The following CHD6 variants were observed in gnomAD, a reference collection of about 807,000 sequenced individuals.
CHD6 encodes ATP-dependent chromatin remodeler CHD6.
In CHD6, 50 loss-of-function variants were observed where a neutral mutation model predicts 276.9. The ratio of observed to expected loss-of-function variants is 0.18; its 90% CI spans 0.14 to 0.23. The LOEUF is 0.23. Among genes scored for constraint, CHD6 ranks in the 10% least tolerant of loss-of-function variants. The pLI is 1.00. For missense variants in CHD6, 2,564 were observed against 3,365.8 expected (o/e 0.76, Z 5.89); for synonymous variants, 1,173 against 1,229.3 (o/e 0.95, Z 0.96).
Position 41,405,363 on chromosome 20 carries a change from A to G in CHD6, c.7378T>C (p.Ser2460Pro), listed in dbSNP as rs753010269. 7 of 1,614,112 alleles carry G rather than the reference A, an allele frequency of 4.3e-6. No homozygotes were observed. The African/African-American group carries it at 6.7e-5, about 15-fold the overall frequency. ...LLKAPSIVAD[S>P]PSGMGPLFMN... is the part of the protein sequence containing the mutation. ...AACAGTGGCCCCATTCCAGAGGGAGAGTCTGCCACAATGGAAGGAGCCTTC... is the reference window on the plus strand; with the variant it reads ...AACAGTGGCCCCATTCCAGAGGGAGGGTCTGCCACAATGGAAGGAGCCTTC... The change falls in exon 37 of 37, where the codon TCT becomes CCT. Residue 2460 changes from serine (S) to proline (P), a missense_variant. Physicochemically the swap from Ser to Pro is moderately conservative, Grantham distance 74 (BLOSUM62 -1). Coordinates refer to ENST00000373233, the MANE Select transcript of CHD6 (RefSeq NM_032221.5).
chr20:41,406,118 T>C (rs1206928045), intron 36 of CHD6, among the ~76,000 whole-genome samples: 1 of 152,196 alleles, frequency 6.6e-6, no homozygotes, highest in African/African-American at 2.4e-5. Context: ...TAATGGCACA[T>C]TACTTATTTA....
chr20:41,458,252 A>G (rs554637428), intron 17 of CHD6, among the ~76,000 whole-genome samples: 14 of 152,348 alleles, frequency 9.2e-5, no homozygotes, highest in Admixed American at 7.8e-4. Flanking sequence ...TATAGGAGGG[A>G]CAAGCTAAAT....
chr20:41,404,828 G>A lies in CHD6; in HGVS notation c.7913C>T (p.Ala2638Val). ...TTCCGAGTGTCTGGCCTGCTGCATG[G>A]CTGGCAGAGCCATGCCCATACCAGG... ...LSPGMGMALP[A>V]MQQARHSEIV... is the part of the protein sequence containing the mutation. The change falls in exon 37 of 37, where the codon GCC becomes GTC. Residue 2638 changes from alanine to valine, a missense_variant. Coordinates refer to ENST00000373233, the MANE Select transcript of CHD6 (RefSeq NM_032221.5). 1 of 1,614,020 alleles carries A rather than the reference G, an allele frequency of 6.2e-7. No individual in the cohort carries two copies. Among genetic ancestry groups the A allele is most frequent in the Non-Finnish European group, 8.5e-7 (1 of 1,179,988 alleles).
chr20:41,432,472 C>T (rs1035294822), intron 27 of CHD6, among the ~76,000 whole-genome samples: 2 of 152,118 alleles, frequency 1.3e-5, no homozygotes, highest in East Asian at 3.9e-4. Flanking sequence ...CCCACCCCTA[C>T]CCATGGTGGA....
intron 5 of CHD6, among the ~76,000 whole-genome samples, chr20:41,509,525 AG>A (rs2044063571): frequency 6.6e-6 from 1 of 152,152 alleles, no homozygotes. Flanking sequence ...GAAACAACTG[AG>A]CTCAGCCTGC....
intron 1 of CHD6, among the ~76,000 whole-genome samples, chr20:41,557,361 A>T (rs1054091996): frequency 1.3e-5 from 2 of 152,146 alleles, no homozygotes; most frequent in African/African-American, 4.8e-5. Context: ...TGCTCCTATT[A>T]AGAAAAATGG....
At chr20:41,529,051 G>A (rs981748645) in intron 3 of CHD6, among the ~76,000 whole-genome samples, 3 of 152,142 alleles carry the variant, frequency 2.0e-5, no homozygotes, top group Non-Finnish European at 2.9e-5. Flanking sequence ...AAAGACACAC[G>A]GCTATGGAGA....
At chr20:41,567,962 T>C (rs1297350537) in intron 1 of CHD6, among the ~76,000 whole-genome samples, 1 of 152,126 alleles carries the variant, frequency 6.6e-6, no homozygotes, top group African/African-American at 2.4e-5. Flanking sequence ...CTGAAAATCA[T>C]ACTCTACATG....
intron 8 of CHD6, among the ~76,000 whole-genome samples, chr20:41,495,715 T>C (rs1442201417): frequency 1.3e-5 from 2 of 152,228 alleles, no homozygotes; most frequent in Admixed American, 6.5e-5. Flanking sequence ...AATGTAAACA[T>C]ACGTTAAAAC....
intron 11 of CHD6, among the ~76,000 whole-genome samples, chr20:41,491,122 C>G (rs2043542427): frequency 2.0e-5 from 3 of 151,962 alleles, no homozygotes; most frequent in Admixed American, 2.0e-4. Flanking sequence ...TACACTAAGG[C>G]TACACTCAAT....
intron 3 of CHD6, among the ~76,000 whole-genome samples, chr20:41,519,060 C>T (rs1969699): frequency 0.99 from 151,245 of 152,292 alleles, 75,103 homozygotes; most frequent in Middle Eastern, 1. Context: ...GGCAGGCAGA[C>T]TGCTTGAGCT....
At chr20:41,545,224 C>A (rs564137270) in intron 2 of CHD6, among the ~76,000 whole-genome samples, 3 of 152,328 alleles carry the variant, frequency 2.0e-5, no homozygotes, top group South Asian at 4.1e-4. Context: ...TCAGGCTACA[C>A]AGTCCTAGCT....
chr20:41,453,044 C>T (rs1486545482), intron 20 of CHD6, 102 bp from the exon 21 acceptor site: 6 of 864,422 alleles, frequency 6.9e-6, no homozygotes, highest in Admixed American at 6.3e-5. Flanking sequence ...GAACCATGCC[C>T]CGTCTCATCC....
Position 41,473,381 on chromosome 20 carries a change from T to C in CHD6, c.2605A>G (p.Thr869Ala). The change falls in exon 17 of 37, where the codon ACA (threonine) becomes GCA (alanine). Residue 869 changes from threonine to alanine, a missense_variant. This residue lies in a region of CHD6 where 457 missense variants were observed against 889.0 expected (regional missense o/e 0.51). Coordinates refer to ENST00000373233, the MANE Select transcript of CHD6 (RefSeq NM_032221.5). The surrounding 1 kb of genome is among the most constrained non-coding windows in gnomAD (Gnocchi z 4.1). ...TRAGGLGINL[T>A]AADTCIIFDS... ...AATATGATGCAGGTATCAGCAGCTGTGAGATTGATCCCCAGGCCTCCCGCT... is the reference window on the plus strand; with the variant it reads ...AATATGATGCAGGTATCAGCAGCTGCGAGATTGATCCCCAGGCCTCCCGCT... 1 of 1,613,634 alleles carries C rather than the reference T, an allele frequency of 6.2e-7. No individual in the cohort carries two copies. Among genetic ancestry groups the C allele is most frequent in the Non-Finnish European group, 8.5e-7 (1 of 1,179,624 alleles).
chr20:41,523,271 C>T (rs1156615897), intron 3 of CHD6, among the ~76,000 whole-genome samples: 2 of 152,090 alleles, frequency 1.3e-5, no homozygotes, highest in Non-Finnish European at 2.9e-5. Flanking sequence ...AATACTCCCA[C>T]CAATTAATGG....
At position 41,452,645 on chromosome 20, in the gene CHD6, G is replaced by T; in HGVS notation, c.3323+95C>A. Reference sequence around the variant, plus strand: ...CCCCCTTTGCCCTATAATTCCAAAGGTGACTGGAGAGACATCCTAGACAAA... The same window carrying T: ...CCCCCTTTGCCCTATAATTCCAAAGTTGACTGGAGAGACATCCTAGACAAA... On this transcript the variant is annotated intron_variant, in intron 21 of 36. Transcript: ENST00000373233. The surrounding 1 kb of genome is among the most constrained non-coding windows in gnomAD (Gnocchi z 4.2). The T allele has an allele frequency of 9.0e-7, 1 of 1,110,742 alleles. No individual in the cohort carries two copies. Among genetic ancestry groups the T allele is most frequent in the Non-Finnish European group, 1.3e-6 (1 of 760,188 alleles). 68.8% of individuals were successfully genotyped at this position (1,110,742 alleles called of 1,614,324 possible).
intron 1 of CHD6, among the ~76,000 whole-genome samples, chr20:41,590,071 C>A (rs2146258693): frequency 6.6e-6 from 1 of 152,216 alleles, no homozygotes; most frequent in East Asian, 1.9e-4. Context: ...ACATCTACAA[C>A]CATCTGATGT....
rs2046648042 is a variant in CHD6, at chr20:41,405,447, G to C, written c.7294C>G (p.Pro2432Ala). The stretch of plus-strand genomic sequence containing the variant: ...CGGGGGCCCGTATCTCGAAGAATAG[G>C]CTCAGCCAGAGTGTGATTGAACTTG... ...ENKFNHTLAE[P>A]ILRDTGPRRR... Residue 2432 changes from proline (P) to alanine (A), a missense_variant, in exon 37 of 37, where the codon CCT becomes GCT. Coordinates refer to ENST00000373233, the MANE Select transcript of CHD6 (RefSeq NM_032221.5). 6.3e-7 allele frequency: 1 copy of C among 1,594,462 alleles called. No individual in the cohort carries two copies. Among genetic ancestry groups the C allele is most frequent in the Non-Finnish European group, 8.6e-7 (1 of 1,169,358 alleles).
At chr20:41,551,703 A>G (rs893224860) in intron 1 of CHD6, among the ~76,000 whole-genome samples, 2 of 152,238 alleles carry the variant, frequency 1.3e-5, no homozygotes, top group Non-Finnish European at 2.9e-5. Flanking sequence ...ATGGGAAGGA[A>G]GTAAGGTAAG....
Sources: gnomAD v4.1 joint callset for allele counts (sites outside exome capture counted in the v4.1 genomes callset) on GRCh38, gnomAD v4.1.1 for gene constraint, gnomAD v4.1.1 regional missense constraint, Gnocchi (gnomAD v3.1) non-coding constraint, MANE v1.5 for transcripts, NCBI Gene and HGNC (gene_info 2026-07-23, HGNC 2026-07-21) for gene names.